Variants in TRAPPC8 observed in about 807,000 individuals in gnomAD.
TRAPPC8 encodes the protein trafficking protein particle complex subunit 8, also known as general sporulation gene 1 homolog.
A neutral mutation model predicts 174.3 loss-of-function variants in TRAPPC8; 54 were observed. The observed-to-expected ratio is 0.31, with a 90% CI of 0.25 to 0.39. The LOEUF is 0.39. TRAPPC8 is among the 10% of genes least tolerant of loss of function. The pLI is 1.00. For synonymous variants in TRAPPC8, 630 were observed against 579.9 expected, an observed-to-expected ratio of 1.09 and a Z score of -1.24; for missense variants, 1,531 against 1,699.1, an observed-to-expected ratio of 0.90 and a Z score of 1.74.
At chr18:31,941,284 A>G (rs1260912148) in intron 1 of TRAPPC8, among the ~76,000 whole-genome samples, 1 of 152,138 alleles carries the variant, frequency 6.6e-6, no homozygotes, top group Non-Finnish European at 1.5e-5. Flanking sequence ...CTCTACTAAA[A>G]ATACAAAAAT....
chr18:31,900,647 C>A (rs2036379981), intron 10 of TRAPPC8, among the ~76,000 whole-genome samples: 2 of 152,126 alleles, frequency 1.3e-5, no homozygotes, highest in African/African-American at 4.8e-5. Context: ...ATGACTAATT[C>A]CTAACTTGAT....
Position 31,849,625 on chromosome 18 carries a change from C to G in TRAPPC8, c.3676G>C (p.Ala1226Pro). 6.2e-7 allele frequency: 1 copy of G among 1,612,898 alleles called. No homozygotes were observed. Among genetic ancestry groups the G allele is most frequent in the Non-Finnish European group, 8.5e-7 (1 of 1,179,592 alleles). ...CTGCATTTTTGAATCAATCTCACAG[C>G]ATCCTCTGTTGACTGTTTTTCTGTA... ...VHTEKQSTEDAVRLIQKCSEV... is the reference protein window; with the variant it reads ...VHTEKQSTEDPVRLIQKCSEV... The change falls in exon 25 of 29, where the codon GCT becomes CCT. Residue 1226 changes from alanine (A) to proline (P), a missense_variant. Ala to Pro is a conservative substitution (Grantham distance 27, BLOSUM62 -1). Coordinates refer to ENST00000283351, the MANE Select transcript of TRAPPC8 (RefSeq NM_014939.5).
chr18:31,867,618 CAA>C (rs1191182584), intron 16 of TRAPPC8, 142 bp from the exon 17 acceptor site: 2 of 624,502 alleles, frequency 3.2e-6, no homozygotes, highest in South Asian at 2.2e-5. Context: ...GAGCTCTACA[CAA>C]AGTGTTTTTA....
chr18:31,835,042 C>G (rs1428733216), intron 27 of TRAPPC8, among the ~76,000 whole-genome samples: 1 of 152,146 alleles, frequency 6.6e-6, no homozygotes, highest in East Asian at 1.9e-4. Flanking sequence ...TCTACTACCT[C>G]TCCTGTAAAG....
intron 1 of TRAPPC8, among the ~76,000 whole-genome samples, chr18:31,933,300 CAAAAAAAA>C (rs770309579): frequency 1.1e-5 from 1 of 91,608 alleles, no homozygotes; most frequent in African/African-American, 4.3e-5. Context: ...GACTCCGTCT[CAAAAAAAA>C]AAAAAAAAAA....
At chr18:31,842,450 G>A (rs1417907467) in intron 26 of TRAPPC8, among the ~76,000 whole-genome samples, 1 of 152,206 alleles carries the variant, frequency 6.6e-6, no homozygotes, top group Non-Finnish European at 1.5e-5. Context: ...TAACATAAAT[G>A]TCGACTGGCA....
In TRAPPC8 at chr18:31,913,536, T is replaced by C. The variant is rs762326804; in HGVS notation, c.618-14A>G. The C allele has an allele frequency of 1.2e-5, 18 of 1,558,720 alleles. No homozygotes were observed. In the South Asian group the frequency reaches 1.5e-4, roughly 13 times the overall value. On this transcript the variant is annotated splice_polypyrimidine_tract_variant and intron_variant, in intron 4 of 28. Transcript: ENST00000283351. ...ATTGATTCAGCTCTAAAACAGAAAATGGAAAAAAATCTGAAGTAAAAGAGG... is the reference window on the plus strand; with the variant it reads ...ATTGATTCAGCTCTAAAACAGAAAACGGAAAAAAATCTGAAGTAAAAGAGG...
rs1315125792 is a variant in TRAPPC8 at position 31,907,517 on chromosome 18, A to G, written c.1332T>C (p.His444=). ...QHYDLAYSCY[H]TAKKDFLNDQ... is the part of the protein sequence containing the mutation. Reference sequence around the variant, plus strand: ...CATTAAGAAAATCTTTCTTTGCAGTATGATAGCAACTGTAAGCCAAATCAT... The same window carrying G: ...CATTAAGAAAATCTTTCTTTGCAGTGTGATAGCAACTGTAAGCCAAATCAT... Residue 444 remains histidine (H), a synonymous_variant, in exon 9 of 29, where the codon CAT becomes CAC. Transcript: ENST00000283351. 4 of 1,609,696 alleles carry G rather than the reference A, an allele frequency of 2.5e-6. No individual in the cohort carries two copies. In the South Asian group the frequency reaches 3.3e-5, roughly 13 times the overall value.
At chr18:31,915,479 G>GA (rs1167718050) in intron 4 of TRAPPC8, among the ~76,000 whole-genome samples, 1 of 129,304 alleles carries the variant, frequency 7.7e-6, no homozygotes, top group Non-Finnish European at 1.7e-5. Flanking sequence ...AGGGGGGGGG[G>GA]GCGCAGGCGC....
At chr18:31,833,128 CA>C (rs2032477126) in intron 27 of TRAPPC8, 1 of 152,186 alleles carries the variant, frequency 6.6e-6, no homozygotes, top group Admixed American at 6.5e-5. Flanking sequence ...GCAAGAAGGG[CA>C]ACAAAGACTA....
intron 2 of TRAPPC8, among the ~76,000 whole-genome samples, chr18:31,922,575 C>G (rs145025986): frequency 1.3e-5 from 2 of 151,820 alleles, no homozygotes; most frequent in Non-Finnish European, 2.9e-5. Flanking sequence ...TGGGCAGCGA[C>G]AGAGCAAGAC....
At chr18:31,863,521 A>C (rs1013838257) in intron 19 of TRAPPC8, among the ~76,000 whole-genome samples, 1 of 152,204 alleles carries the variant, frequency 6.6e-6, no homozygotes, top group Non-Finnish European at 1.5e-5. Flanking sequence ...AACGGTTAAA[A>C]AGAAGACTGA....
intron 25 of TRAPPC8, among the ~76,000 whole-genome samples, chr18:31,848,352 C>T (rs1486218071): frequency 6.6e-6 from 1 of 152,100 alleles, no homozygotes. Flanking sequence ...ACAATGAGTA[C>T]AGAATACATT....
chr18:31,871,763 G>T (rs572265040), intron 14 of TRAPPC8, among the ~76,000 whole-genome samples: 7 of 152,062 alleles, frequency 4.6e-5, no homozygotes, highest in African/African-American at 1.4e-4. Flanking sequence ...TCCATTATGT[G>T]AATATACAAA....
Position 31,942,928 on chromosome 18 carries a change from G to A in TRAPPC8, c.-164C>T, listed in dbSNP as rs1256099096. 4 of 1,228,594 alleles carry A rather than the reference G, an allele frequency of 3.3e-6. No homozygotes were observed. Among genetic ancestry groups the A allele is most frequent in the Non-Finnish European group, 4.1e-6 (4 of 982,296 alleles). The allele number at this position is 1,228,594 out of a possible 1,614,324, so 76.1% of individuals were successfully genotyped here. On this transcript the variant is annotated 5_prime_UTR_variant, in exon 1 of 29. Coordinates refer to ENST00000283351, the MANE Select transcript of TRAPPC8 (RefSeq NM_014939.5). ...AGAAGGAACAGACGCCGCCGCTTCG[G>A]TTTCTGGGGCACAATCCACTGACCC...
chr18:31,880,081 G>GGAAA (rs1491132140), intron 12 of TRAPPC8, among the ~76,000 whole-genome samples: 12 of 52,730 alleles, frequency 2.3e-4, no homozygotes, highest in African/African-American at 1.0e-3. Context: ...TGAAACTATT[G>GGAAA]AAAAAAAAAA....
In TRAPPC8 at chr18:31,917,496, AATTTTGCCTTCATT is replaced by A. The variant is rs1598736248; in HGVS notation, c.442+68_442+81del. On this transcript the variant is annotated intron_variant, in intron 3 of 28. Transcript: ENST00000283351. ...TTTATCTATTCTCTGTATCTTCAAC[AATTTTGCCTTCATT>A]AACTATTTCTGAGATTAATAACTTC... The A allele has an allele frequency of 5.0e-6, 6 of 1,197,804 alleles. No individual in the cohort carries two copies. The East Asian group carries it at 1.4e-4, about 28-fold the overall frequency. The allele number at this position is 1,197,804 out of a possible 1,614,324, so 74.2% of individuals were successfully genotyped here.
At chr18:31,884,381 G>A (rs1373955677) in intron 12 of TRAPPC8, among the ~76,000 whole-genome samples, 1 of 152,208 alleles carries the variant, frequency 6.6e-6, no homozygotes, top group Non-Finnish European at 1.5e-5. Context: ...CTGCATGTGA[G>A]CATATAGTGA....
At chr18:31,878,007 C>T (rs2035248167) in intron 12 of TRAPPC8, among the ~76,000 whole-genome samples, 1 of 151,700 alleles carries the variant, frequency 6.6e-6, no homozygotes, top group African/African-American at 2.4e-5. Flanking sequence ...TACAGAGAAG[C>T]ATCCGGGCAA....
Sources: gnomAD v4.1 joint callset for allele counts (sites outside exome capture counted in the v4.1 genomes callset) on GRCh38, gnomAD v4.1.1 for gene constraint, MANE v1.5 for transcripts, NCBI Gene and HGNC (gene_info 2026-07-23, HGNC 2026-07-21) for gene names.